The following DNER variants were observed in gnomAD, a reference collection of about 807,000 sequenced individuals.
DNER encodes the protein delta and Notch-like epidermal growth factor-related receptor.
A neutral mutation model predicts 78.2 loss-of-function variants in DNER; 33 were observed. That is an observed-to-expected ratio of 0.42 (90% CI 0.32 to 0.56). The LOEUF is 0.56. Among genes scored for constraint, DNER ranks in the 20% least tolerant of loss-of-function variants. DNER has a pLI of 0.11. For missense variants in DNER, 918 were observed against 975.3 expected (o/e 0.94, Z 0.78); for synonymous variants, 417 against 384.8 (o/e 1.08, Z -0.98).
chr2:229,588,891 T>A (rs894462432), intron 2 of DNER, among the ~76,000 whole-genome samples: 1 of 152,216 alleles, frequency 6.6e-6, no homozygotes, highest in African/African-American at 2.4e-5. Flanking sequence ...AAAAGCCTAA[T>A]GACTAGGCAA....
chr2:229,714,037 G>T, intron 1 of DNER, 111 bp downstream of exon 1: 2 of 1,084,950 alleles, frequency 1.8e-6, no homozygotes, highest in Non-Finnish European at 2.3e-6. Flanking sequence ...TCCCAAAGTG[G>T]GAAAGCCTGT....
At chr2:229,387,561 AAG>A (rs1458330655) in intron 11 of DNER, among the ~76,000 whole-genome samples, 2 of 149,946 alleles carry the variant, frequency 1.3e-5, no homozygotes, top group Admixed American at 6.6e-5. Flanking sequence ...GAAAGAAAGA[AAG>A]AAAGAAAAGA....
At chr2:229,581,847 A>G (rs1051616793) in intron 4 of DNER, among the ~76,000 whole-genome samples, 1 of 152,220 alleles carries the variant, frequency 6.6e-6, no homozygotes, top group African/African-American at 2.4e-5. Context: ...GCATAGAAAC[A>G]GGAAAATACC....
At position 229,585,939 on chromosome 2, in the gene DNER, G is replaced by A. The variant is rs754284770; in HGVS notation, c.766C>T (p.Arg256Ter). The part of the protein sequence containing the change: ...GFQQCSLIDG[R>*]SVTPLQASGG... ...GAAGCCTGAAGGGGGGTCACACTTC[G>A]TCCATCTATGAGGGAGCACTGTTGG... The change falls in exon 4 of 13, where the codon CGA becomes TGA. Residue 256 changes from arginine to a stop codon, truncating the protein, a stop_gained. Coordinates refer to ENST00000341772, the MANE Select transcript of DNER (RefSeq NM_139072.4). LOFTEE classifies it high-confidence loss of function. 1.9e-6 allele frequency: 3 copies of A among 1,614,076 alleles called. No homozygotes were observed. Among genetic ancestry groups the A allele is most frequent in the Non-Finnish European group, 2.5e-6 (3 of 1,179,996 alleles).
At chr2:229,556,193 C>G (rs1051511087) in intron 4 of DNER, among the ~76,000 whole-genome samples, 1 of 152,214 alleles carries the variant, frequency 6.6e-6, no homozygotes, top group African/African-American at 2.4e-5. Flanking sequence ...CCTTGATGAA[C>G]ACTTACTGAA....
intron 4 of DNER, among the ~76,000 whole-genome samples, chr2:229,569,541 A>ATT (rs1178570854): frequency 1.5e-4 from 23 of 151,938 alleles, no homozygotes; most frequent in African/African-American, 5.3e-4. Context: ...AAAAAAAAAA[A>ATT]TTTTTTAAGT....
chr2:229,649,778 C>T (rs1559195406), intron 1 of DNER, among the ~76,000 whole-genome samples: 2 of 152,168 alleles, frequency 1.3e-5, no homozygotes, highest in African/African-American at 2.4e-5. Flanking sequence ...CACATCTTCT[C>T]TTAAGAAATG....
intron 1 of DNER, among the ~76,000 whole-genome samples, chr2:229,657,456 C>G (rs1422036032): frequency 6.6e-6 from 1 of 152,138 alleles, no homozygotes; most frequent in African/African-American, 2.4e-5. Context: ...CACAGGGATA[C>G]AGATAAGCAA....
intron 4 of DNER, among the ~76,000 whole-genome samples, chr2:229,574,374 A>G (rs937812073): frequency 3.9e-5 from 6 of 152,206 alleles, no homozygotes; most frequent in Admixed American, 6.5e-5. Context: ...TATTGATAAT[A>G]AATTATAGTA....
At chr2:229,605,123 A>G (rs1697909132) in intron 1 of DNER, among the ~76,000 whole-genome samples, 1 of 152,226 alleles carries the variant, frequency 6.6e-6, no homozygotes, top group Admixed American at 6.5e-5. Context: ...AAACAAAAGA[A>G]AAAAATAATA....
rs1559176083 is a variant in DNER at position 229,591,816 on chromosome 2, C to T, written c.349G>A (p.Asp117Asn). The change falls in exon 2 of 13, where the codon GAT becomes AAT. Residue 117 changes from aspartate to asparagine, a missense_variant. Coordinates refer to ENST00000341772, the MANE Select transcript of DNER (RefSeq NM_139072.4). This position sits in a 1 kb window ranked among gnomAD's most constrained non-coding sequence, Gnocchi z 4.6. ...NCSSSSSSSSDGYLCICNEGY... is the reference protein window; with the variant it reads ...NCSSSSSSSSNGYLCICNEGY... ...TCATTGCAAATGCAGAGGTAGCCAT[C>T]GCTGCTGCTGCTGCTGCTGCTGCTG... is the stretch of plus-strand genomic sequence containing the variant. 3.7e-6 allele frequency: 6 copies of T among 1,611,386 alleles called. No homozygotes were observed. The highest frequency in any genetic ancestry group is 1.3e-5 in the African/African-American group (1 of 74,752).
intron 1 of DNER, among the ~76,000 whole-genome samples, chr2:229,605,930 T>C (rs1697926454): frequency 6.6e-6 from 1 of 152,170 alleles, no homozygotes; most frequent in East Asian, 1.9e-4. Context: ...ACCTTGCATA[T>C]GCAAATGCCA....
chr2:229,431,116 G>A (rs1013614013), intron 8 of DNER, among the ~76,000 whole-genome samples: 4 of 151,616 alleles, frequency 2.6e-5, no homozygotes, highest in African/African-American at 9.7e-5. Context: ...TGTACTGAGT[G>A]TAAATCATAA....
At chr2:229,366,656 T>C (rs1281353640) in intron 12 of DNER, among the ~76,000 whole-genome samples, 1 of 152,190 alleles carries the variant, frequency 6.6e-6, no homozygotes, top group South Asian at 2.1e-4. Context: ...ATATATTCAA[T>C]GTAAACAAAA....
chr2:229,510,068 T>C (rs1350890233), intron 6 of DNER, among the ~76,000 whole-genome samples: 7 of 152,094 alleles, frequency 4.6e-5, no homozygotes, highest in Admixed American at 4.6e-4. Flanking sequence ...GAGGAAGTAT[T>C]GTCCAAGCAC....
intron 5 of DNER, among the ~76,000 whole-genome samples, chr2:229,541,738 A>G (rs566437014): frequency 6.6e-6 from 1 of 152,026 alleles, no homozygotes; most frequent in African/African-American, 2.4e-5. Flanking sequence ...TTGGACTCAA[A>G]CTGCAACTCT....
intron 6 of DNER, among the ~76,000 whole-genome samples, chr2:229,486,159 C>T (rs560965140): frequency 2.6e-5 from 4 of 152,238 alleles, no homozygotes; most frequent in South Asian, 2.1e-4. Flanking sequence ...ACCATCAAGA[C>T]GTTCAGTCTC....
chr2:229,488,563 G>C (rs1203681439), intron 6 of DNER, among the ~76,000 whole-genome samples: 1 of 152,212 alleles, frequency 6.6e-6, no homozygotes, highest in Non-Finnish European at 1.5e-5. Flanking sequence ...GAGAACTTGG[G>C]CTCAGAGGAG....
At chr2:229,441,880 T>C (rs1694243196) in intron 8 of DNER, among the ~76,000 whole-genome samples, 1 of 152,196 alleles carries the variant, frequency 6.6e-6, no homozygotes, top group South Asian at 2.1e-4. Context: ...GGTCTACCTG[T>C]AAGTGCCAAG....
Sources: gnomAD v4.1 joint callset for allele counts (sites outside exome capture counted in the v4.1 genomes callset) on GRCh38, gnomAD v4.1.1 for gene constraint, Gnocchi (gnomAD v3.1) non-coding constraint, MANE v1.5 for transcripts, NCBI Gene and HGNC (gene_info 2026-07-23, HGNC 2026-07-21) for gene names.